Variants in SLC26A11 observed in about 807,000 individuals in gnomAD.
The protein encoded by SLC26A11 is solute carrier family 26 member 11.
Under a neutral mutation model 62.2 loss-of-function variants are expected in SLC26A11, and 58 were observed. That is an observed-to-expected ratio of 0.93 (90% CI 0.76 to 1.16). The LOEUF (loss-of-function observed/expected upper bound fraction) is 1.16. Among genes scored for constraint, SLC26A11 ranks in the 50% most tolerant of loss-of-function variants. SLC26A11 has a pLI of 0.00. For synonymous variants in SLC26A11, 411 were observed against 368.9 expected, an observed-to-expected ratio of 1.11 and a Z score of -1.31; for missense variants, 790 against 794.3, an observed-to-expected ratio of 0.99 and a Z score of 0.06.
chr17:80,237,396 T>C, intron 8 of SLC26A11, 126 bp from the exon 9 acceptor site: 1 of 917,382 alleles, frequency 1.1e-6, no homozygotes, highest in Non-Finnish European at 1.7e-6. Context: ...AGGAGGCGGA[T>C]CCTGCAGCTG....
rs760825025 is a variant in SLC26A11 at position 80,222,859 on chromosome 17, C to A, written c.427+12C>A. ...GGTCCTGCGTTTGGGTGAGGCTCTA[C>A]CTTCTTGCCAAGGGGATGCCCTCGA... is the stretch of plus-strand genomic sequence containing the variant. On this transcript the variant is annotated intron_variant, in intron 4 of 17. Transcript: ENST00000361193. The surrounding 1 kb of genome is among the most constrained non-coding windows in gnomAD (Gnocchi z 4.7). 1 of 1,612,526 alleles carries A rather than the reference C, an allele frequency of 6.2e-7. No homozygotes were observed. Among genetic ancestry groups the A allele is most frequent in the African/African-American group, 1.3e-5 (1 of 74,854 alleles).
At position 80,236,953 on chromosome 17, in the gene SLC26A11, C is replaced by T. The variant is rs140552892; in HGVS notation, c.762C>T (p.Phe254=). 269 of 1,613,678 alleles carry T rather than the reference C, an allele frequency of 1.7e-4. No homozygotes were observed. The African/African-American group carries it at 2.9e-3, about 17-fold the overall frequency. Residue 254 remains phenylalanine, a synonymous_variant, in exon 8 of 18, where the codon TTC becomes TTT. Coordinates refer to ENST00000361193, the MANE Select transcript of SLC26A11 (RefSeq NM_001166347.2). ...TTARNALVVS[F]AALVAYSFEV... ...CTCGCAACGCCCTGGTGGTCTCCTT[C>T]GCAGCCCTGGTTGCGTACTCCTTCG...
chr17:80,249,082 C>T, intron 15 of SLC26A11, 72 bp from the exon 16 acceptor site: 1 of 1,531,086 alleles, frequency 6.5e-7, no homozygotes, highest in Non-Finnish European at 8.7e-7. Flanking sequence ...TGGCCAGAGC[C>T]TCCTTTGGCC....
chr17:80,239,137 T>C (rs1322448410), intron 9 of SLC26A11, among the ~76,000 whole-genome samples: 2 of 150,352 alleles, frequency 1.3e-5, no homozygotes, highest in Non-Finnish European at 3.0e-5. Context: ...CTGGGTGCAA[T>C]GGTGTGATCT....
chr17:80,235,614 C>T (rs1380001179), intron 7 of SLC26A11, among the ~76,000 whole-genome samples: 2 of 152,222 alleles, frequency 1.3e-5, no homozygotes, highest in African/African-American at 4.8e-5. Flanking sequence ...TCTTGGCTTC[C>T]CAAAGTGTTG....
At chr17:80,238,626 G>T (rs186883393) in intron 9 of SLC26A11, among the ~76,000 whole-genome samples, 1 of 152,010 alleles carries the variant, frequency 6.6e-6, no homozygotes, top group Admixed American at 6.6e-5. Context: ...CCTTCGTTCT[G>T]TCTTGTCACC....
intron 6 of SLC26A11, 94 bp downstream of exon 6, chr17:80,226,010 C>T (rs1002788163): frequency 3.0e-5 from 35 of 1,172,348 alleles, no homozygotes; most frequent in Non-Finnish European, 4.1e-5. Flanking sequence ...CCCCTGGTGA[C>T]TGCTCAAACA....
intron 7 of SLC26A11, among the ~76,000 whole-genome samples, chr17:80,229,061 C>G (rs1232135375): frequency 6.6e-6 from 1 of 152,236 alleles, no homozygotes; most frequent in Admixed American, 6.5e-5. Flanking sequence ...TGACTCCAAA[C>G]CTTCTCAGAG....
At chr17:80,242,128 C>T (rs1271213124) in intron 10 of SLC26A11, among the ~76,000 whole-genome samples, 1 of 152,238 alleles carries the variant, frequency 6.6e-6, no homozygotes, top group Non-Finnish European at 1.5e-5. Flanking sequence ...AGGCATATGC[C>T]ACCATGCATG....
intron 5 of SLC26A11, among the ~76,000 whole-genome samples, chr17:80,224,843 C>T (rs1185965610): frequency 6.6e-6 from 1 of 152,106 alleles, no homozygotes; most frequent in Non-Finnish European, 1.5e-5. Flanking sequence ...AGGGACTCTG[C>T]AGCCATCTGG....
At chr17:80,229,531 G>A (rs2042504434) in intron 7 of SLC26A11, among the ~76,000 whole-genome samples, 1 of 152,038 alleles carries the variant, frequency 6.6e-6, no homozygotes, top group Admixed American at 6.6e-5. Context: ...CTGGTTTCAA[G>A]CAATTATCCC....
chr17:80,237,632 G>A, intron 9 of SLC26A11, 38 bp downstream of exon 9: 2 of 1,590,294 alleles, frequency 1.3e-6, no homozygotes, highest in South Asian at 2.3e-5. Context: ...GTCTCCCAGT[G>A]CGCCGGCTGG....
Position 80,220,477 on chromosome 17 carries a change from C to T in SLC26A11, c.-233C>T. 1 of 590,354 alleles carries T rather than the reference C, an allele frequency of 1.7e-6. No homozygotes were observed. The highest frequency in any genetic ancestry group is 2.7e-6 in the Non-Finnish European group (1 of 376,626). 36.6% of individuals were successfully genotyped at this position (590,354 alleles called of 1,614,324 possible). On this transcript the variant is annotated 5_prime_UTR_variant, in exon 1 of 18. Transcript: ENST00000361193. The stretch of plus-strand genomic sequence containing the variant: ...CAGCTGCGGCGACGCCAGGAGACCC[C>T]AAGCTGCATCGCCGAGTGGGTGAGT...
chr17:80,221,454 G>A, intron 2 of SLC26A11, 94 bp from the exon 3 acceptor site: 1 of 873,976 alleles, frequency 1.1e-6, no homozygotes, highest in Non-Finnish European at 1.7e-6. Context: ...GACCCATAGT[G>A]ACCTCTCCTG....
rs746400752 is a variant in SLC26A11, at chr17:80,241,794, G to A, written c.1009G>A (p.Asp337Asn). ...AGCATCTCAGAATAATTACCGCATC[G>A]ATGCCAACCAGGAGCTGCTGGCCAT... is the stretch of plus-strand genomic sequence containing the variant. Reference protein sequence around the residue: ...AFASQNNYRIDANQELLAIGL... With the variant: ...AFASQNNYRINANQELLAIGL... The change falls in exon 10 of 18, where the codon GAT (aspartate) becomes AAT (asparagine). Residue 337 changes from aspartate (D) to asparagine (N), a missense_variant. Physicochemically the swap from Asp to Asn is conservative, Grantham distance 23 (BLOSUM62 1). Coordinates refer to ENST00000361193, the MANE Select transcript of SLC26A11 (RefSeq NM_001166347.2). 39 of 1,614,006 alleles carry A rather than the reference G, an allele frequency of 2.4e-5. No individual in the cohort carries two copies. The South Asian group carries it at 2.5e-4, about 10-fold the overall frequency.
rs1035004795 is a variant in SLC26A11, at chr17:80,246,376, G to A, written c.1154-133G>A. On this transcript the variant is annotated intron_variant, in intron 12 of 17. Transcript: ENST00000361193. This position sits in a 1 kb window ranked among gnomAD's most constrained non-coding sequence, Gnocchi z 4.4. The stretch of plus-strand genomic sequence containing the variant: ...GGGGACCACAGGAGACTGAGCAGGG[G>A]CTGGGGGCCTTGGCAGTCGTCGCCC... 15 of 1,434,640 alleles carry A rather than the reference G, an allele frequency of 1.0e-5. No individual in the cohort carries two copies. The highest frequency in any genetic ancestry group is 1.4e-5 in the Non-Finnish European group (15 of 1,063,270). The allele number at this position is 1,434,640 out of a possible 1,614,324, so 88.9% of individuals were successfully genotyped here. A position where few individuals can be genotyped will look rare whatever the true frequency, so the allele number is the denominator to read the frequency against.
intron 10 of SLC26A11, among the ~76,000 whole-genome samples, chr17:80,243,335 A>AC (rs2042912568): frequency 6.6e-6 from 1 of 151,978 alleles, no homozygotes; most frequent in Non-Finnish European, 1.5e-5. Context: ...CTCCTCAAAG[A>AC]CCCCACCAGT....
At chr17:80,224,243 G>C (rs1230456588) in intron 5 of SLC26A11, among the ~76,000 whole-genome samples, 6 of 147,502 alleles carry the variant, frequency 4.1e-5, no homozygotes, top group African/African-American at 1.5e-4. Context: ...GAGTGGGTTT[G>C]AGGGAGTGTG....
chr17:80,250,164 C>T (rs140466495), intron 16 of SLC26A11, among the ~76,000 whole-genome samples: 102 of 152,228 alleles, frequency 6.7e-4, no homozygotes, highest in African/African-American at 2.4e-3. Context: ...TAAATGTGCG[C>T]TCTCTGCCAA....
Sources: gnomAD v4.1 joint callset for allele counts (sites outside exome capture counted in the v4.1 genomes callset) on GRCh38, gnomAD v4.1.1 for gene constraint, Gnocchi (gnomAD v3.1) non-coding constraint, MANE v1.5 for transcripts, NCBI Gene and HGNC (gene_info 2026-07-23, HGNC 2026-07-21) for gene names.